The following BIRC5 variants were observed in gnomAD, a reference collection of about 807,000 sequenced individuals.
BIRC5 encodes the protein baculoviral IAP repeat containing 5.
A neutral mutation model predicts 15.8 loss-of-function variants in BIRC5; 8 were observed. The ratio of observed to expected loss-of-function variants is 0.51; its 90% CI spans 0.30 to 0.91. The LOEUF is 0.91. Among genes scored for constraint, BIRC5 ranks in the 40% least tolerant of loss-of-function variants. BIRC5 has a pLI of 0.07. For missense variants in BIRC5, 163 were observed against 178.6 expected, an observed-to-expected ratio of 0.91 and a Z score of 0.50; for synonymous variants, 56 against 64.5, an observed-to-expected ratio of 0.87 and a Z score of 0.63.
At chr17:78,218,583 C>A (rs1354079209) in intron 3 of BIRC5, among the ~76,000 whole-genome samples, 2 of 149,462 alleles carry the variant, frequency 1.3e-5, no homozygotes, top group Non-Finnish European at 3.0e-5. Context: ...AGCCACCATG[C>A]GTGGTCTTTT....
Position 78,223,637 on chromosome 17 carries a change from G to T in BIRC5, c.*83G>T. 6.3e-7 allele frequency: 1 copy of T among 1,596,112 alleles called. No individual in the cohort carries two copies. The highest frequency in any genetic ancestry group is 8.5e-7 in the Non-Finnish European group (1 of 1,171,064). On this transcript the variant is annotated 3_prime_UTR_variant, in exon 4 of 4. Transcript: ENST00000350051. ...CCCTGGTGCCACCAGCCTTCCTGTG[G>T]GCCCCTTAGCAATGTCTTAGGAAAG...
chr17:78,216,772 G>A lies in BIRC5; in HGVS notation c.330G>A (p.Lys110=). Residue 110 remains lysine, a synonymous_variant, in exon 3 of 4, where the codon AAG becomes AAA. Transcript: ENST00000350051. ...TGAAACTGGACAGAGAAAGAGCCAAGAACAAAATTGTATGTATTGGGAATA... is the reference window on the plus strand; with the variant it reads ...TGAAACTGGACAGAGAAAGAGCCAAAAACAAAATTGTATGTATTGGGAATA... ...EFLKLDRERA[K]NKIAKETNNK... is the part of the protein sequence containing the mutation. 1.2e-6 allele frequency: 2 copies of A among 1,612,626 alleles called. No individual in the cohort carries two copies. The highest frequency in any genetic ancestry group is 2.2e-5 in the East Asian group (1 of 44,860).
Position 78,223,774 on chromosome 17 carries a change from TTCTCTCTCTC to T in BIRC5, c.*228_*237del. ...GGGTGCTGCTGGTAACAGTGGCTGC[TTCTCTCTCTC>T]TCTCTCTTTTTTGGGGGCTCATTTT... On this transcript the variant is annotated 3_prime_UTR_variant, in exon 4 of 4. Transcript: ENST00000350051. 1 of 962,804 alleles carries T rather than the reference TTCTCTCTCTC, an allele frequency of 1.0e-6. No homozygotes were observed. Among genetic ancestry groups the T allele is most frequent in the Non-Finnish European group, 1.4e-6 (1 of 704,672 alleles). 59.6% of individuals were successfully genotyped at this position (962,804 alleles called of 1,614,324 possible). A position where few individuals can be genotyped will look rare whatever the true frequency, so the allele number is the denominator to read the frequency against.
rs1567866877 is a variant in BIRC5 at position 78,223,450 on chromosome 17, ATTC to A, written c.340-12_340-10del. 1 of 1,582,794 alleles carries A rather than the reference ATTC, an allele frequency of 6.3e-7. No individual in the cohort carries two copies. The highest frequency in any genetic ancestry group is 1.8e-5 in the Admixed American group (1 of 55,658). On this transcript the variant is annotated splice_polypyrimidine_tract_variant and intron_variant, in intron 3 of 3. Transcript: ENST00000350051. ...GCTCTGGTTTCAGTGTCATGTGTCT[ATTC>A]TTTATTTCCAGGCAAAGGAAACCAA... is the stretch of plus-strand genomic sequence containing the variant.
chr17:78,220,508 A>T (rs905329312), intron 3 of BIRC5, among the ~76,000 whole-genome samples: 5 of 152,008 alleles, frequency 3.3e-5, no homozygotes, highest in African/African-American at 1.2e-4. Flanking sequence ...CAGTCCCTGC[A>T]GGAGACCTCT....
chr17:78,214,586 C>T, intron 1 of BIRC5, 94 bp from the exon 2 acceptor site: 1 of 1,329,572 alleles, frequency 7.5e-7, no homozygotes, highest in Non-Finnish European at 1.0e-6. Context: ...AGGCCGGCCT[C>T]CCCTCCCTGC....
rs372346261 is a variant in BIRC5 at position 78,216,569 on chromosome 17, G to A, written c.222-95G>A. 6 of 974,106 alleles carry A rather than the reference G, an allele frequency of 6.2e-6. No individual in the cohort carries two copies. The East Asian group carries it at 9.8e-5, about 16-fold the overall frequency. 60.3% of individuals were successfully genotyped at this position (974,106 alleles called of 1,614,324 possible). ...TCTTACTCCTGAGGCAGAGCAGGGTGTGCCTGTGGAGGGCGTGGGGAGGTG... is the reference window on the plus strand; with the variant it reads ...TCTTACTCCTGAGGCAGAGCAGGGTATGCCTGTGGAGGGCGTGGGGAGGTG... On this transcript the variant is annotated intron_variant, in intron 2 of 3. Coordinates refer to ENST00000350051, the MANE Select transcript of BIRC5 (RefSeq NM_001168.3).
chr17:78,214,963 C>T, intron 2 of BIRC5, 174 bp downstream of exon 2: 2 of 613,154 alleles, frequency 3.3e-6, no homozygotes, highest in Non-Finnish European at 5.7e-6. Context: ...TGCTTACAAC[C>T]TAATTAAATC....
intron 2 of BIRC5, among the ~76,000 whole-genome samples, chr17:78,215,812 T>C (rs1448946644): frequency 1.3e-5 from 2 of 152,196 alleles, no homozygotes; most frequent in East Asian, 3.8e-4. Flanking sequence ...TTTTTGGACT[T>C]TGTGTGGCCA....
intron 3 of BIRC5, among the ~76,000 whole-genome samples, chr17:78,220,376 C>T (rs969707255): frequency 2.6e-5 from 4 of 151,410 alleles, no homozygotes; most frequent in African/African-American, 9.7e-5. Flanking sequence ...TGCAGTGAGC[C>T]GAGATCGCGC....
intron 3 of BIRC5, among the ~76,000 whole-genome samples, chr17:78,220,563 G>A (rs1304609048): frequency 6.6e-6 from 1 of 152,212 alleles, no homozygotes; most frequent in African/African-American, 2.4e-5. Context: ...ACTGGAAAGA[G>A]GGGAGACATT....
intron 1 of BIRC5, 28 bp from the exon 2 acceptor site, chr17:78,214,652 C>T (rs2076464891): frequency 6.4e-7 from 1 of 1,557,642 alleles, no homozygotes; most frequent in Non-Finnish European, 8.7e-7. Flanking sequence ...CTGCCACGTC[C>T]ACTCACGAGC....
In BIRC5 at chr17:78,222,620, G is replaced by A. The variant is rs976899418; in HGVS notation, c.340-845G>A. Among the ~76,000 whole-genome samples the A allele has an allele frequency of 6.6e-5, 10 of 152,192 alleles. No homozygotes were observed. In the South Asian group the frequency reaches 1.9e-3, roughly 28 times the overall value. ...GCAGAGGTTGCGGTGAGCCAAGATC[G>A]TGCCTTTGCACACCAGCCAAGGCAA... On this transcript the variant is annotated intron_variant, in intron 3 of 3. Transcript: ENST00000350051.
Position 78,214,304 on chromosome 17 carries a change from T to C in BIRC5, c.-13T>C, listed in dbSNP as rs2076461145. 4.4e-6 allele frequency: 7 copies of C among 1,596,408 alleles called. No homozygotes were observed. The East Asian group carries it at 1.6e-4, about 37-fold the overall frequency. ...GAATCGCGGGACCCGTTGGCAGAGG[T>C]GGCGGCGGCGGCATGGGTGCCCCGA... On this transcript the variant is annotated 5_prime_UTR_variant, in exon 1 of 4. Coordinates refer to ENST00000350051, the MANE Select transcript of BIRC5 (RefSeq NM_001168.3).
Position 78,214,293 on chromosome 17 carries a change from G to A in BIRC5, c.-24G>A, listed in dbSNP as rs202101234. On this transcript the variant is annotated 5_prime_UTR_variant, in exon 1 of 4. Transcript: ENST00000350051. ...CCGCCAGATTTGAATCGCGGGACCCGTTGGCAGAGGTGGCGGCGGCGGCAT... is the reference window on the plus strand; with the variant it reads ...CCGCCAGATTTGAATCGCGGGACCCATTGGCAGAGGTGGCGGCGGCGGCAT... 2.6e-4 allele frequency: 412 copies of A among 1,590,730 alleles called. 2 individuals carry two copies. In the African/African-American group the frequency reaches 5.2e-3, roughly 20 times the overall value.
chr17:78,222,051 A>G (rs2076519024), intron 3 of BIRC5, among the ~76,000 whole-genome samples: 1 of 151,992 alleles, frequency 6.6e-6, no homozygotes, highest in Non-Finnish European at 1.5e-5. Context: ...TACACAAAAA[A>G]TTAGCCAGGC....
chr17:78,220,207 T>C (rs980831062), intron 3 of BIRC5, among the ~76,000 whole-genome samples: 40 of 152,238 alleles, frequency 2.6e-4, no homozygotes, highest in Non-Finnish European at 4.6e-4. Flanking sequence ...GGCGGGTGGA[T>C]CACGAGGTCA....
chr17:78,222,202 T>TA (rs201091966), intron 3 of BIRC5, among the ~76,000 whole-genome samples: 38,009 of 141,674 alleles, frequency 0.27, 5,025 homozygotes, highest in Middle Eastern at 0.31. Context: ...ACCCTGTCTC[T>TA]AAAAAAAAAA....
chr17:78,220,042 C>T (rs1039529671), intron 3 of BIRC5, among the ~76,000 whole-genome samples: 2 of 152,188 alleles, frequency 1.3e-5, no homozygotes, highest in African/African-American at 2.4e-5. Context: ...TGCTGGTGGA[C>T]GCTGCGGGGT....
Sources: gnomAD v4.1 joint callset for allele counts (sites outside exome capture counted in the v4.1 genomes callset) on GRCh38, gnomAD v4.1.1 for gene constraint, MANE v1.5 for transcripts, NCBI Gene and HGNC (gene_info 2026-07-23, HGNC 2026-07-21) for gene names.